Variants in BCL11B observed in about 807,000 individuals in gnomAD.
BCL11B encodes B-cell lymphoma/leukemia 11B.
BCL11B carries 8 observed loss-of-function variants against 49.9 expected under a neutral mutation model. That is an observed-to-expected ratio of 0.16 (90% confidence interval 0.09 to 0.29). The LOEUF (loss-of-function observed/expected upper bound fraction) is 0.29. Ranked by LOEUF, BCL11B falls within the 10% of genes least tolerant of loss-of-function variation. The pLI, the probability that BCL11B is intolerant of heterozygous loss-of-function variation, is 1.00. For missense variants in BCL11B, 1,006 were observed against 1,351.0 expected (o/e 0.74, Z 4.00); for synonymous variants, 739 against 637.4 (o/e 1.16, Z -2.40).
At chr14:99,268,627 T>A (rs1889555821) in intron 1 of BCL11B, among the ~76,000 whole-genome samples, 2 of 151,874 alleles carry the variant, frequency 1.3e-5, no homozygotes, top group African/African-American at 4.8e-5. Context: ...TTCCCCTGCT[T>A]GCTCTCCCAC....
At position 99,232,520 on chromosome 14, in the gene BCL11B, G is replaced by A. The variant is rs1343283103; in HGVS notation, c.428-963C>T. ...ACGTCAACAAGAGGATGGGCAGCTG[G>A]GCCCAGCCGGCTTTGCCAGGGAGGC... On this transcript the variant is annotated intron_variant, in intron 2 of 3. Transcript: ENST00000357195. This position sits in a 1 kb window ranked among gnomAD's most constrained non-coding sequence, Gnocchi z 5.1. Among the ~76,000 whole-genome samples the A allele has an allele frequency of 1.3e-5, 2 of 152,180 alleles. No homozygotes were observed. Among genetic ancestry groups the A allele is most frequent in the African/African-American group, 4.8e-5 (2 of 41,426 alleles).
intron 2 of BCL11B, among the ~76,000 whole-genome samples, chr14:99,243,810 G>A (rs536987766): frequency 5.3e-5 from 8 of 151,906 alleles, no homozygotes; most frequent in South Asian, 2.1e-4. Context: ...CAGCACCTCC[G>A]AAGGAGGCTT....
Position 99,184,002 on chromosome 14 carries a change from C to T in BCL11B, c.641-7807G>A, listed in dbSNP as rs1886783496. ...CACACAGAACCAAGACAGTATGCCA[C>T]CACCTCTGCTACCACCCACCCCAGA... On this transcript the variant is annotated intron_variant, in intron 3 of 3. Coordinates refer to ENST00000357195, the MANE Select transcript of BCL11B (RefSeq NM_138576.4). The surrounding 1 kb of genome is among the most constrained non-coding windows in gnomAD (Gnocchi z 6.1). Among the ~76,000 whole-genome samples the T allele has an allele frequency of 6.6e-6, 1 of 152,172 alleles. No individual in the cohort carries two copies. The highest frequency in any genetic ancestry group is 6.5e-5 in the Admixed American group (1 of 15,268).
Position 99,271,307 on chromosome 14 carries a change from C to CCGCCGCTGT in BCL11B, c.-90_-89insACAGCGGCG, listed in dbSNP as rs2139986607. 1 of 868,112 alleles carries CCGCCGCTGT rather than the reference C, an allele frequency of 1.2e-6. No homozygotes were observed. The highest frequency in any genetic ancestry group is 1.5e-6 in the Non-Finnish European group (1 of 664,024). 53.8% of individuals were successfully genotyped at this position (868,112 alleles called of 1,614,324 possible). A position where few individuals can be genotyped will look rare whatever the true frequency, so the allele number is the denominator to read the frequency against. ...GGTCCGAGCCGCCGCCGCGCCGCTGCCGCCGCTGCCGCCGCCGCCGCCGCC... is the reference window on the plus strand; with the variant it reads ...GGTCCGAGCCGCCGCCGCGCCGCTGCCGCCGCTGTCGCCGCTGCCGCCGCCGCCGCCGCC... On this transcript the variant is annotated 5_prime_UTR_variant, in exon 1 of 4. Coordinates refer to ENST00000357195, the MANE Select transcript of BCL11B (RefSeq NM_138576.4).
At chr14:99,252,525 G>C (rs573785262) in intron 2 of BCL11B, among the ~76,000 whole-genome samples, 16 of 152,292 alleles carry the variant, frequency 1.1e-4, no homozygotes, top group African/African-American at 3.9e-4. Context: ...GGGTCACTGG[G>C]GCCCCAAACC....
chr14:99,229,019 G>GATGA (rs1888239276), intron 3 of BCL11B, among the ~76,000 whole-genome samples: 1 of 117,206 alleles, frequency 8.5e-6, no homozygotes, highest in Middle Eastern at 3.8e-3. Flanking sequence ...TGGATGGATG[G>GATGA]ATGGATGGAT....
chr14:99,173,805 T>TA lies in BCL11B; in HGVS notation c.*345dup, dbSNP rs144498557. Reference sequence around the variant, plus strand: ...GTCATTGCTCAGGCTACTACCGGGTTAAAAAAAAAACAAAGAAGGGATGGA... The same window carrying TA: ...GTCATTGCTCAGGCTACTACCGGGTTAAAAAAAAAAACAAAGAAGGGATGGA... On this transcript the variant is annotated 3_prime_UTR_variant, in exon 4 of 4. Coordinates refer to ENST00000357195, the MANE Select transcript of BCL11B (RefSeq NM_138576.4). 8,650 of 296,914 alleles carry TA rather than the reference T, an allele frequency of 0.029. 284 individuals carry two copies. Among genetic ancestry groups the TA allele is most frequent in the African/African-American group, 0.12 (5,229 of 44,512 alleles). 18.4% of individuals were successfully genotyped at this position (296,914 alleles called of 1,614,324 possible).
intron 2 of BCL11B, among the ~76,000 whole-genome samples, chr14:99,244,985 T>C (rs951392066): frequency 6.6e-6 from 1 of 152,230 alleles, no homozygotes; most frequent in Non-Finnish European, 1.5e-5. Flanking sequence ...GTGGGTCCAA[T>C]CCTAGCCTGG....
In BCL11B at chr14:99,270,672, C is replaced by G. The variant is rs920722414; in HGVS notation, c.58+489G>C. 7.0e-4 allele frequency among the ~76,000 whole-genome samples: 107 copies of G among 151,980 alleles called. 2 individuals carry two copies. Among genetic ancestry groups the G allele is most frequent in the African/African-American group, 2.5e-3 (102 of 41,506 alleles). ...CCCCTGGCCCTACGGCTCCCCCAGCCGGAACGCACCCCGCTCTCCTCCGCC... is the reference window on the plus strand; with the variant it reads ...CCCCTGGCCCTACGGCTCCCCCAGCGGGAACGCACCCCGCTCTCCTCCGCC... On this transcript the variant is annotated intron_variant, in intron 1 of 3. Transcript: ENST00000357195.
chr14:99,243,008 A>G (rs1888715149), intron 2 of BCL11B, among the ~76,000 whole-genome samples: 1 of 152,208 alleles, frequency 6.6e-6, no homozygotes, highest in Non-Finnish European at 1.5e-5. Context: ...TGTGCATTTA[A>G]AGACTGCTTG....
intron 3 of BCL11B, among the ~76,000 whole-genome samples, chr14:99,177,925 A>C (rs961276453): frequency 6.6e-6 from 1 of 152,138 alleles, no homozygotes; most frequent in African/African-American, 2.4e-5. Context: ...CCATCTTTTA[A>C]AAATCAAGTG....
At chr14:99,209,680 G>T (rs1458948530) in intron 3 of BCL11B, among the ~76,000 whole-genome samples, 1 of 152,162 alleles carries the variant, frequency 6.6e-6, no homozygotes, top group Non-Finnish European at 1.5e-5. Flanking sequence ...GAGCTAGGAG[G>T]CTGAGGGTGG....
chr14:99,199,690 G>GCGCGCGCGCGCGCGCA (rs1887309657), intron 3 of BCL11B, among the ~76,000 whole-genome samples: 2 of 64,350 alleles, frequency 3.1e-5, no homozygotes, highest in South Asian at 3.7e-4. Context: ...GTGTGCGCGC[G>GCGCGCGCGCGCGCGCA]CGCGCGCACG....
chr14:99,255,587 A>G (rs977439568), intron 2 of BCL11B, among the ~76,000 whole-genome samples: 1 of 152,132 alleles, frequency 6.6e-6, no homozygotes, highest in African/African-American at 2.4e-5. Flanking sequence ...TGAAATGAGG[A>G]TTTGGATGTT....
intron 1 of BCL11B, among the ~76,000 whole-genome samples, chr14:99,266,425 A>C (rs1889485027): frequency 6.6e-6 from 1 of 152,218 alleles, no homozygotes; most frequent in Non-Finnish European, 1.5e-5. Context: ...CCACGGACGA[A>C]TCAGGGAAAA....
At position 99,195,838 on chromosome 14, in the gene BCL11B, C is replaced by A. The variant is rs147235395; in HGVS notation, c.641-19643G>T. 6.6e-6 allele frequency among the ~76,000 whole-genome samples: 1 copy of A among 152,322 alleles called. No homozygotes were observed. Among genetic ancestry groups the A allele is most frequent in the African/African-American group, 2.4e-5 (1 of 41,566 alleles). On this transcript the variant is annotated intron_variant, in intron 3 of 3. Coordinates refer to ENST00000357195, the MANE Select transcript of BCL11B (RefSeq NM_138576.4). The surrounding 1 kb of genome is among the most constrained non-coding windows in gnomAD (Gnocchi z 4.7). ...CTCAGCCAACACCTGCTAGACTGAG[C>A]TGACACAGCCCTCCTGCCTGCTGCC...
At chr14:99,222,862 CTTCTTTCCTTCCT>C (rs1183884025) in intron 3 of BCL11B, among the ~76,000 whole-genome samples, 7 of 142,830 alleles carry the variant, frequency 4.9e-5, no homozygotes, top group Non-Finnish European at 1.1e-4. Flanking sequence ...TCTTTCTTTC[CTTCTTTCCTTCCT>C]TTCTTTCCTT....
At chr14:99,254,881 T>G (rs1057263155) in intron 2 of BCL11B, among the ~76,000 whole-genome samples, 4 of 152,360 alleles carry the variant, frequency 2.6e-5, no homozygotes, top group African/African-American at 9.6e-5. Flanking sequence ...CACATTTATT[T>G]TACAATAAAT....
At chr14:99,196,902 C>A (rs1257696278) in intron 3 of BCL11B, among the ~76,000 whole-genome samples, 1 of 152,172 alleles carries the variant, frequency 6.6e-6, no homozygotes, top group Non-Finnish European at 1.5e-5. Context: ...GGATCCTCAC[C>A]AGTTGAGATT....
Sources: allele counts gnomAD v4.1 joint callset (sites outside exome capture counted in the v4.1 genomes callset), GRCh38; gene constraint gnomAD v4.1.1; non-coding constraint Gnocchi (gnomAD v3.1); transcripts MANE v1.5; gene names NCBI Gene and HGNC (gene_info 2026-07-23, HGNC 2026-07-21).